Variants in VDAC1 observed in about 807,000 individuals in gnomAD.
VDAC1 encodes non-selective voltage-gated ion channel VDAC1.
VDAC1 carries 10 observed loss-of-function variants against 34.7 expected under a neutral mutation model. That is an observed-to-expected ratio of 0.29 (90% confidence interval 0.18 to 0.49). The LOEUF is 0.49. Ranked by LOEUF, VDAC1 falls within the 20% of genes least tolerant of loss-of-function variation. The pLI, the probability that VDAC1 is intolerant of heterozygous loss-of-function variation, is 0.99. For missense variants in VDAC1, 230 were observed against 347.9 expected, an observed-to-expected ratio of 0.66 and a Z score of 2.69; for synonymous variants, 130 against 136.0, an observed-to-expected ratio of 0.96 and a Z score of 0.30.
upstream of VDAC1, among the ~76,000 whole-genome samples, chr5:134,008,158 C>T (rs891104321): frequency 1.3e-5 from 2 of 152,044 alleles, no homozygotes; most frequent in African/African-American, 4.8e-5. Flanking sequence ...CCACCGCCCC[C>T]GATCCCCGCC....
chr5:134,055,744 A>G, the VDAC1 span, among the ~76,000 whole-genome samples: 5 of 60,270 alleles, frequency 8.3e-5, no homozygotes, highest in African/African-American at 4.8e-4. Flanking sequence ...TTTGTTTTTA[A>G]TTGTCTTTTT....
the VDAC1 span, among the ~76,000 whole-genome samples, chr5:134,065,337 ATTTTTTT>A: frequency 2.0e-5 from 2 of 101,386 alleles, no homozygotes; most frequent in South Asian, 3.2e-4. Context: ...TTTAATTTTA[ATTTTTTT>A]TTTTTTTTTT....
chr5:134,018,819 G>A, the VDAC1 span, among the ~76,000 whole-genome samples: 1 of 152,152 alleles, frequency 6.6e-6, no homozygotes. Flanking sequence ...GAATGGAGAC[G>A]ATGTCAGCCC....
At chr5:134,091,031 G>A in the VDAC1 span, among the ~76,000 whole-genome samples, 2 of 152,292 alleles carry the variant, frequency 1.3e-5, no homozygotes, top group East Asian at 3.9e-4. Context: ...GGCACAAAGT[G>A]GCCACGGAAC....
At chr5:133,975,756 G>T in intron 7 of VDAC1, 115 bp downstream of exon 7, 1 of 1,497,690 alleles carries the variant, frequency 6.7e-7, no homozygotes, top group Non-Finnish European at 9.1e-7. Context: ...ACGGCGCCCA[G>T]CAGCATCTCT....
Position 133,987,262 on chromosome 5 carries a change from G to A in VDAC1, c.323+3593C>T, listed in dbSNP as rs181806666. On this transcript the variant is annotated intron_variant, in intron 5 of 8. Transcript: ENST00000265333. ...TGTAGTCCCAGCTACTGGGGAGGCC[G>A]AGGAGGGAGGATCCCTTGAGCCAGG... Among the ~76,000 whole-genome samples the A allele has an allele frequency of 3.9e-5, 6 of 152,288 alleles. No individual in the cohort carries two copies. The South Asian group carries it at 6.2e-4, about 16-fold the overall frequency.
rs1752314003 is a variant in VDAC1, at chr5:133,972,045, G to A, written c.*726C>T. 1 of 152,570 alleles carries A rather than the reference G, an allele frequency of 6.6e-6. No homozygotes were observed. The highest frequency in any genetic ancestry group is 2.1e-4 in the South Asian group (1 of 4,832). 9.5% of individuals were successfully genotyped at this position (152,570 alleles called of 1,614,324 possible). ...AAACTGCTAAAAAACAAATTGAGTGGTGAGAATACAACAGAAGTCCAATTT... is the reference window on the plus strand; with the variant it reads ...AAACTGCTAAAAAACAAATTGAGTGATGAGAATACAACAGAAGTCCAATTT... On this transcript the variant is annotated 3_prime_UTR_variant, in exon 9 of 9. Coordinates refer to ENST00000265333, the MANE Select transcript of VDAC1 (RefSeq NM_003374.3).
At chr5:133,997,368 T>G (rs1753353698) in intron 1 of VDAC1, among the ~76,000 whole-genome samples, 1 of 151,982 alleles carries the variant, frequency 6.6e-6, no homozygotes, top group Non-Finnish European at 1.5e-5. Flanking sequence ...GAATAAAAAT[T>G]AAGGTACTAT....
At chr5:134,039,616 A>T in the VDAC1 span, among the ~76,000 whole-genome samples, 43 of 152,320 alleles carry the variant, frequency 2.8e-4, no homozygotes, top group Middle Eastern at 3.4e-3. Flanking sequence ...GGCGTGAGCC[A>T]CCGCGCCCGG....
chr5:134,036,952 C>CA, the VDAC1 span, among the ~76,000 whole-genome samples: 7 of 38,334 alleles, frequency 1.8e-4, no homozygotes, highest in South Asian at 1.2e-3. Context: ...GACTCCGTCT[C>CA]AAAAAAAAAA....
chr5:134,110,835 A>T, the VDAC1 span, among the ~76,000 whole-genome samples: 1 of 152,246 alleles, frequency 6.6e-6, no homozygotes, highest in Admixed American at 6.5e-5. Context: ...TGGGCCTTTC[A>T]TGTTAAAGGA....
At chr5:134,072,233 C>G in the VDAC1 span, among the ~76,000 whole-genome samples, 1 of 152,114 alleles carries the variant, frequency 6.6e-6, no homozygotes, top group Non-Finnish European at 1.5e-5. Flanking sequence ...GAACAATAAC[C>G]AGTCAAGAGA....
the VDAC1 span, among the ~76,000 whole-genome samples, chr5:134,097,588 G>C: frequency 7.9e-4 from 121 of 152,292 alleles, 1 homozygote; most frequent in African/African-American, 2.0e-3. Flanking sequence ...CGGCCACCTC[G>C]GTTCACCCTG....
the VDAC1 span, among the ~76,000 whole-genome samples, chr5:134,011,225 C>G: frequency 7.9e-3 from 1,202 of 152,188 alleles, 11 homozygotes; most frequent in African/African-American, 0.027. Flanking sequence ...TCTCAAACTT[C>G]TGAGCTCAGG....
At chr5:134,096,090 C>T in the VDAC1 span, among the ~76,000 whole-genome samples, 2 of 152,242 alleles carry the variant, frequency 1.3e-5, no homozygotes, top group South Asian at 2.1e-4. Context: ...TCCCGCGTGC[C>T]AGAGGAGTTT....
At chr5:133,998,409 G>T (rs1401098215) in intron 1 of VDAC1, among the ~76,000 whole-genome samples, 4 of 152,182 alleles carry the variant, frequency 2.6e-5, no homozygotes, top group Non-Finnish European at 5.9e-5. Context: ...GGTGGTAAGT[G>T]CCTGTAATCC....
the VDAC1 span, among the ~76,000 whole-genome samples, chr5:134,104,411 A>G: frequency 6.6e-6 from 1 of 152,166 alleles, no homozygotes; most frequent in Non-Finnish European, 1.5e-5. Flanking sequence ...ATCACTGCAC[A>G]AAGGGTCTTG....
intron 6 of VDAC1, among the ~76,000 whole-genome samples, chr5:133,977,314 C>A (rs1752517925): frequency 1.3e-5 from 2 of 152,224 alleles, no homozygotes; most frequent in South Asian, 4.1e-4. Flanking sequence ...CTAAGCCTGG[C>A]AGGATTTGAA....
chr5:134,081,488 C>T, the VDAC1 span, among the ~76,000 whole-genome samples: 1 of 152,306 alleles, frequency 6.6e-6, no homozygotes, highest in South Asian at 2.1e-4. Flanking sequence ...CAAAACAACA[C>T]AATTTAGTAC....
Sources: allele counts gnomAD v4.1 joint callset (sites outside exome capture counted in the v4.1 genomes callset), GRCh38; gene constraint gnomAD v4.1.1; transcripts MANE v1.5; gene names NCBI Gene and HGNC (gene_info 2026-07-23, HGNC 2026-07-21).